CNTNAP5: variants seen among roughly 807,000 people sequenced by gnomAD.
CNTNAP5 encodes the protein contactin associated protein family member 5, also known as contactin-associated protein-like 5.
A neutral mutation model predicts 150.2 loss-of-function variants in CNTNAP5; 72 were observed. The ratio of observed to expected loss-of-function variants is 0.48; its 90% CI spans 0.40 to 0.58. CNTNAP5 has a LOEUF of 0.58. CNTNAP5 is among the 20% of genes least tolerant of loss of function. The probability of loss-of-function intolerance (pLI) is 0.00; values close to 1 mark genes in which losing one functional copy is unlikely to be tolerated. For synonymous variants in CNTNAP5, 672 were observed against 619.8 expected (o/e 1.08, Z -1.25); for missense variants, 1,636 against 1,626.2 (o/e 1.01, Z -0.10).
intron 11 of CNTNAP5, among the ~76,000 whole-genome samples, chr2:124,587,524 T>G (rs1431231362): frequency 6.6e-6 from 1 of 152,206 alleles, no homozygotes; most frequent in African/African-American, 2.4e-5. Flanking sequence ...AATATGTCCC[T>G]CTGCCAAACT....
At chr2:124,249,144 C>T (rs1344559666) in intron 3 of CNTNAP5, among the ~76,000 whole-genome samples, 1 of 152,130 alleles carries the variant, frequency 6.6e-6, no homozygotes, top group Non-Finnish European at 1.5e-5. Context: ...CATCAATTCT[C>T]CTCAGATGGG....
At chr2:124,320,583 T>C (rs574651025) in intron 3 of CNTNAP5, among the ~76,000 whole-genome samples, 2 of 152,238 alleles carry the variant, frequency 1.3e-5, no homozygotes, top group South Asian at 4.1e-4. Context: ...CTGTATGTTG[T>C]AAACCTTTAA....
At chr2:124,207,763 T>C (rs1685897680) in intron 1 of CNTNAP5, among the ~76,000 whole-genome samples, 1 of 152,238 alleles carries the variant, frequency 6.6e-6, no homozygotes, top group East Asian at 1.9e-4. Flanking sequence ...CAATGTATTT[T>C]CCTGCTATTT....
intron 12 of CNTNAP5, among the ~76,000 whole-genome samples, chr2:124,631,503 G>C (rs1677859889): frequency 6.6e-6 from 1 of 152,116 alleles, no homozygotes; most frequent in South Asian, 2.1e-4. Flanking sequence ...AAGGTGCTGG[G>C]AGAACTGGCT....
chr2:124,452,846 A>G (rs1693019499), intron 6 of CNTNAP5, among the ~76,000 whole-genome samples: 1 of 152,126 alleles, frequency 6.6e-6, no homozygotes, highest in Non-Finnish European at 1.5e-5. Context: ...CATCAAGGAA[A>G]CACCCAGTGG....
intron 21 of CNTNAP5, among the ~76,000 whole-genome samples, chr2:124,881,023 A>C (rs1192875723): frequency 6.6e-6 from 1 of 152,128 alleles, no homozygotes; most frequent in Non-Finnish European, 1.5e-5. Flanking sequence ...GCCATCTGAG[A>C]GGGTTTCATA....
chr2:124,390,963 G>A (rs907980006), intron 3 of CNTNAP5, among the ~76,000 whole-genome samples: 2 of 152,174 alleles, frequency 1.3e-5, no homozygotes, highest in Non-Finnish European at 1.5e-5. Flanking sequence ...TTAGACATGG[G>A]TTCAGAGAAC....
chr2:124,567,384 C>G (rs939694196), intron 11 of CNTNAP5, among the ~76,000 whole-genome samples: 2 of 152,162 alleles, frequency 1.3e-5, no homozygotes, highest in African/African-American at 2.4e-5. Flanking sequence ...AAACATACAT[C>G]ATTCAAAACT....
chr2:124,106,572 C>T (rs1258810483), intron 1 of CNTNAP5, among the ~76,000 whole-genome samples: 1 of 152,094 alleles, frequency 6.6e-6, no homozygotes, highest in African/African-American at 2.4e-5. Flanking sequence ...GGTGGCATAT[C>T]CCAAAAAGCC....
chr2:124,814,244 T>C (rs1456522245), intron 19 of CNTNAP5, among the ~76,000 whole-genome samples: 1 of 130,444 alleles, frequency 7.7e-6, no homozygotes, highest in African/African-American at 3.7e-5. Flanking sequence ...TCGAATCCTC[T>C]TTTTTTTTTT....
intron 3 of CNTNAP5, among the ~76,000 whole-genome samples, chr2:124,401,323 C>G (rs1309222098): frequency 2.6e-5 from 4 of 152,212 alleles, no homozygotes; most frequent in Admixed American, 2.6e-4. Context: ...AGAACAATTT[C>G]TCTTCTGAAT....
At chr2:124,797,682 T>C (rs1681875579) in intron 18 of CNTNAP5, among the ~76,000 whole-genome samples, 1 of 152,238 alleles carries the variant, frequency 6.6e-6, no homozygotes, top group Admixed American at 6.5e-5. Flanking sequence ...AAACTAGAAC[T>C]GTCAGGTTCT....
At chr2:124,410,197 C>A (rs370134928) in intron 3 of CNTNAP5, among the ~76,000 whole-genome samples, 239 of 146,654 alleles carry the variant, frequency 1.6e-3, no homozygotes, top group African/African-American at 5.2e-3. Context: ...AATATATATG[C>A]ACCCAATACA....
chr2:124,479,412 C>T (rs1393322634), intron 7 of CNTNAP5, among the ~76,000 whole-genome samples: 1 of 152,136 alleles, frequency 6.6e-6, no homozygotes, highest in Non-Finnish European at 1.5e-5. Context: ...AAGTTTCACT[C>T]CCATTATTGT....
At chr2:124,434,723 G>T in intron 5 of CNTNAP5, 36 bp downstream of exon 5, 1 of 1,547,984 alleles carries the variant, frequency 6.5e-7, no homozygotes, top group South Asian at 1.2e-5. Flanking sequence ...GCCAAGGGAT[G>T]GAGAGCTCCT....
At chr2:124,365,998 G>T (rs747113627) in intron 3 of CNTNAP5, among the ~76,000 whole-genome samples, 1 of 152,074 alleles carries the variant, frequency 6.6e-6, no homozygotes, top group Non-Finnish European at 1.5e-5. Context: ...TTATTCAATT[G>T]CTTGTTTATC....
chr2:124,703,580 A>G (rs557157627), intron 13 of CNTNAP5, among the ~76,000 whole-genome samples: 2 of 152,324 alleles, frequency 1.3e-5, no homozygotes, highest in South Asian at 4.1e-4. Flanking sequence ...CCCTTAGCAC[A>G]TCGCACTTAA....
chr2:124,268,726 G>T (rs558325190), intron 3 of CNTNAP5, among the ~76,000 whole-genome samples: 1 of 152,102 alleles, frequency 6.6e-6, no homozygotes, highest in Non-Finnish European at 1.5e-5. Context: ...TTACATTTCC[G>T]GGTTGCCCAC....
At chr2:124,832,009 C>T (rs568436063) in intron 19 of CNTNAP5, among the ~76,000 whole-genome samples, 96 of 152,050 alleles carry the variant, frequency 6.3e-4, no homozygotes, top group Non-Finnish European at 1.3e-3. Context: ...TTTCATTAAA[C>T]CAACAATATT....
Sources: allele counts gnomAD v4.1 joint callset (sites outside exome capture counted in the v4.1 genomes callset), GRCh38; gene constraint gnomAD v4.1.1; transcripts MANE v1.5; gene names NCBI Gene and HGNC (gene_info 2026-07-23, HGNC 2026-07-21).